Variants in ZNF236 observed in about 807,000 individuals in gnomAD.
ZNF236 encodes zinc finger protein 236.
Under a neutral mutation model 191.2 loss-of-function variants are expected in ZNF236, and 50 were observed. The ratio of observed to expected loss-of-function variants is 0.26; its 90% CI spans 0.21 to 0.33. The LOEUF (loss-of-function observed/expected upper bound fraction) is 0.33, where lower values mean the gene tolerates loss of function less well. Among genes scored for constraint, ZNF236 ranks in the 10% least tolerant of loss-of-function variants. The pLI, the probability that ZNF236 is intolerant of heterozygous loss-of-function variation, is 1.00. For synonymous variants in ZNF236, 907 were observed against 928.8 expected (o/e 0.98, Z 0.43); for missense variants, 1,754 against 2,374.5 (o/e 0.74, Z 5.43).
chr18:76,874,402 A>G (rs7241936), intron 5 of ZNF236, among the ~76,000 whole-genome samples: 35,947 of 151,754 alleles, frequency 0.24, 5,339 homozygotes, highest in East Asian at 0.33. Context: ...ACCTAACTCG[A>G]TTTTGTCTTT....
At chr18:76,955,350 G>C (rs1451470418) in intron 27 of ZNF236, among the ~76,000 whole-genome samples, 1 of 152,212 alleles carries the variant, frequency 6.6e-6, no homozygotes, top group Non-Finnish European at 1.5e-5. Flanking sequence ...CCAGGAGTTT[G>C]AGGCTGTCCT....
intron 30 of ZNF236, among the ~76,000 whole-genome samples, chr18:76,963,411 C>T (rs1424418110): frequency 1.3e-5 from 2 of 152,030 alleles, no homozygotes; most frequent in African/African-American, 4.8e-5. Flanking sequence ...TTCCTGCATC[C>T]CTGGTATGAA....
chr18:76,872,606 C>T (rs1182938530), intron 5 of ZNF236, among the ~76,000 whole-genome samples: 3 of 152,156 alleles, frequency 2.0e-5, no homozygotes. Context: ...TATCTTGTTC[C>T]TTAGTTTTGC....
chr18:76,939,398 C>G (rs1043098862), intron 26 of ZNF236, among the ~76,000 whole-genome samples: 7 of 152,140 alleles, frequency 4.6e-5, no homozygotes, highest in Non-Finnish European at 1.0e-4. Context: ...GGTGTGCTTT[C>G]CTAGATGCAA....
Position 76,871,812 on chromosome 18 carries a change from T to G in ZNF236, c.654T>G (p.Ile218Met). 1.2e-6 allele frequency: 2 copies of G among 1,614,138 alleles called. No individual in the cohort carries two copies. The highest frequency in any genetic ancestry group is 1.7e-6 in the Non-Finnish European group (2 of 1,179,996). ...AGCCAAGCCAGTTAACGCGACACAT[T>G]AGGATACACACAGGTATGAAAACAC... ...FQKPSQLTRHIRIHTGERPFK... is the reference protein window; with the variant it reads ...FQKPSQLTRHMRIHTGERPFK... The change falls in exon 5 of 31, where the codon ATT (isoleucine) becomes ATG (methionine). Residue 218 changes from isoleucine (I) to methionine (M), a missense_variant. Around this residue, in one of 5 missense-constraint regions of ZNF236, gnomAD observed 336 missense variants for 495.1 expected, o/e 0.68. Transcript: ENST00000320610.
intron 17 of ZNF236, among the ~76,000 whole-genome samples, 164 bp downstream of exon 17, chr18:76,912,511 G>A (rs1269295539): frequency 1.3e-5 from 2 of 152,218 alleles, no homozygotes; most frequent in African/African-American, 2.4e-5. Flanking sequence ...TGAGACAAAA[G>A]AGATTAACTT....
At chr18:76,931,490 G>A (rs1411690027) in intron 25 of ZNF236, among the ~76,000 whole-genome samples, 1 of 151,938 alleles carries the variant, frequency 6.6e-6, no homozygotes, top group African/African-American at 2.4e-5. Flanking sequence ...ACTGTACAAA[G>A]CATCGTATAT....
At chr18:76,864,885 CTACTAATAA>C (rs1254009826) in intron 3 of ZNF236, among the ~76,000 whole-genome samples, 2 of 151,914 alleles carry the variant, frequency 1.3e-5, no homozygotes, top group Admixed American at 6.6e-5. Context: ...CTCGAAAATA[CTACTAATAA>C]ATCAAAATGA....
chr18:76,947,630 C>T lies in ZNF236; in HGVS notation c.4892C>T (p.Ala1631Val). 6.2e-7 allele frequency: 1 copy of T among 1,613,750 alleles called. No individual in the cohort carries two copies. ...CACACGCCACAGTCAGCGTCTGCTG[C>T]TTGTGAAGAAATAGCCTACCAGGTA... ...VSHTPQSASA[A>V]CEEIAYQVAG... Residue 1631 changes from alanine to valine, a missense_variant, in exon 27 of 31, where the codon GCT becomes GTT. By Grantham distance (64) the Ala-to-Val change is moderately conservative (BLOSUM62 0). Transcript: ENST00000320610.
chr18:76,931,081 C>G (rs1277554730), intron 25 of ZNF236: 2 of 152,136 alleles, frequency 1.3e-5, no homozygotes, highest in Non-Finnish European at 2.9e-5. Context: ...AGAACTTATT[C>G]AACACAATTC....
chr18:76,937,084 G>A (rs939164613), intron 25 of ZNF236, 72 bp from the exon 26 acceptor site: 75 of 1,423,338 alleles, frequency 5.3e-5, no homozygotes, highest in African/African-American at 1.5e-4. Flanking sequence ...TGGGAGCATC[G>A]CTCTCCCTAT....
At chr18:76,862,535 G>A (rs866107690) in intron 3 of ZNF236, among the ~76,000 whole-genome samples, 41 of 152,000 alleles carry the variant, frequency 2.7e-4, no homozygotes, top group African/African-American at 9.2e-4. Context: ...CCCTCCCAGC[G>A]TGTTGGCAGA....
chr18:76,895,923 T>A (rs1264410327), intron 10 of ZNF236, among the ~76,000 whole-genome samples: 1 of 146,494 alleles, frequency 6.8e-6, no homozygotes, highest in Non-Finnish European at 1.5e-5. Context: ...TGCACACAAG[T>A]ATCAAAGGCA....
At chr18:76,950,817 G>C (rs1333879918) in intron 27 of ZNF236, among the ~76,000 whole-genome samples, 1 of 152,168 alleles carries the variant, frequency 6.6e-6, no homozygotes, top group Admixed American at 6.5e-5. Context: ...ATCTATGTCG[G>C]CTACAGCCTT....
In ZNF236 at chr18:76,970,746, T is replaced by C. The variant is rs1406277582; in HGVS notation, c.*2407T>C. 1 of 152,258 alleles carries C rather than the reference T, an allele frequency of 6.6e-6. No individual in the cohort carries two copies. The highest frequency in any genetic ancestry group is 1.5e-5 in the Non-Finnish European group (1 of 68,044). 9.4% of individuals were successfully genotyped at this position (152,258 alleles called of 1,614,324 possible). On this transcript the variant is annotated 3_prime_UTR_variant, in exon 31 of 31. Transcript: ENST00000320610. ...TAGGAAATGTGATTAATTTTTTTCG[T>C]TTGAAAATATTTAAGATAAAACAGT...
intron 9 of ZNF236, among the ~76,000 whole-genome samples, chr18:76,882,458 C>G (rs1489281757): frequency 1.3e-5 from 2 of 152,220 alleles, no homozygotes; most frequent in Non-Finnish European, 2.9e-5. Context: ...GAACACCCCA[C>G]AGTGCTCAAT....
intron 1 of ZNF236, among the ~76,000 whole-genome samples, chr18:76,845,991 G>T (rs1278825475): frequency 2.0e-5 from 3 of 152,252 alleles, no homozygotes; most frequent in South Asian, 2.1e-4. Flanking sequence ...CACAATGGAG[G>T]TGTGTGGAGA....
In ZNF236 at chr18:76,968,499, TA is replaced by T; in HGVS notation, c.*161del. Reference sequence around the variant, plus strand: ...AGAATCATTGTCTTTCAGAGACTCATAGGAAAAAAAAACTAGGAAAAGTGTC... The same window carrying T: ...AGAATCATTGTCTTTCAGAGACTCATGGAAAAAAAAACTAGGAAAAGTGTC... On this transcript the variant is annotated 3_prime_UTR_variant, in exon 31 of 31. Coordinates refer to ENST00000320610, the MANE Select transcript of ZNF236 (RefSeq NM_001306089.2). 1 of 1,398,464 alleles carries T rather than the reference TA, an allele frequency of 7.2e-7. No individual in the cohort carries two copies. The highest frequency in any genetic ancestry group is 1.6e-5 in the South Asian group (1 of 61,290). 86.6% of individuals were successfully genotyped at this position (1,398,464 alleles called of 1,614,324 possible). A position where few individuals can be genotyped will look rare whatever the true frequency, so the allele number is the denominator to read the frequency against.
intron 9 of ZNF236, among the ~76,000 whole-genome samples, chr18:76,890,729 A>G (rs1367536362): frequency 2.0e-5 from 3 of 152,196 alleles, no homozygotes; most frequent in Admixed American, 6.5e-5. Context: ...TTCCTATAAG[A>G]CTAATTCTTG....
Sources: gnomAD v4.1 joint callset for allele counts (sites outside exome capture counted in the v4.1 genomes callset) on GRCh38, gnomAD v4.1.1 for gene constraint, gnomAD v4.1.1 regional missense constraint, MANE v1.5 for transcripts, NCBI Gene and HGNC (gene_info 2026-07-23, HGNC 2026-07-21) for gene names.